CCDC148: variants seen among roughly 807,000 people sequenced by gnomAD.
CCDC148 encodes coiled-coil domain-containing protein 148.
In CCDC148, 89 loss-of-function variants were observed where a neutral mutation model predicts 85.7. The observed-to-expected ratio is 1.04, with a 90% CI of 0.87 to 1.24. The LOEUF is 1.24. Among genes scored for constraint, CCDC148 ranks in the 50% most tolerant of loss-of-function variants. CCDC148 has a pLI of 0.00. For missense variants in CCDC148, 692 were observed against 671.7 expected, an observed-to-expected ratio of 1.03 and a Z score of -0.33; for synonymous variants, 230 against 213.9, an observed-to-expected ratio of 1.08 and a Z score of -0.66.
chr2:158,195,279 C>T (rs12612640), intron 11 of CCDC148, among the ~76,000 whole-genome samples: 50,843 of 151,706 alleles, frequency 0.34, 9,313 homozygotes, highest in East Asian at 0.65. Flanking sequence ...TATTCATTGG[C>T]TTATATTATT....
chr2:158,381,486 G>T (rs913669347), intron 1 of CCDC148, among the ~76,000 whole-genome samples: 2 of 152,104 alleles, frequency 1.3e-5, no homozygotes, highest in Admixed American at 1.3e-4. Flanking sequence ...TAAGAAAGTG[G>T]AGCAACCAGA....
chr2:158,296,910 G>A (rs1477051696), intron 9 of CCDC148, among the ~76,000 whole-genome samples: 1 of 152,190 alleles, frequency 6.6e-6, no homozygotes, highest in Admixed American at 6.5e-5. Context: ...CTGCTGCTGT[G>A]ACCAAAAATC....
intron 7 of CCDC148, among the ~76,000 whole-genome samples, chr2:158,324,242 T>A (rs1692658205): frequency 6.6e-6 from 1 of 152,134 alleles, no homozygotes; most frequent in Non-Finnish European, 1.5e-5. Context: ...TATTGTTTAT[T>A]TGGGTGAATA....
intron 7 of CCDC148, among the ~76,000 whole-genome samples, chr2:158,328,314 T>G (rs1692896906): frequency 6.6e-6 from 1 of 152,188 alleles, no homozygotes; most frequent in African/African-American, 2.4e-5. Flanking sequence ...CTTTCCAGCT[T>G]CATACATGTC....
At chr2:158,313,248 A>G (rs1692120032) in intron 8 of CCDC148, among the ~76,000 whole-genome samples, 1 of 152,148 alleles carries the variant, frequency 6.6e-6, no homozygotes, top group African/African-American at 2.4e-5. Flanking sequence ...TATTTGGGGT[A>G]TTTGTGTTTC....
At chr2:158,293,179 T>G (rs189679512) in intron 9 of CCDC148, among the ~76,000 whole-genome samples, 4 of 152,052 alleles carry the variant, frequency 2.6e-5, no homozygotes, top group Admixed American at 2.6e-4. Flanking sequence ...TCAGATATAA[T>G]AAATGTAATA....
chr2:158,289,805 C>T (rs1338660190), intron 9 of CCDC148, among the ~76,000 whole-genome samples: 1 of 152,112 alleles, frequency 6.6e-6, no homozygotes, highest in East Asian at 1.9e-4. Flanking sequence ...GTAGAGATAA[C>T]CCAAATGTCT....
chr2:158,394,218 C>T (rs1685434314), intron 1 of CCDC148, among the ~76,000 whole-genome samples: 1 of 151,966 alleles, frequency 6.6e-6, no homozygotes, highest in African/African-American at 2.4e-5. Flanking sequence ...TTCTTCTACT[C>T]CTAGAAAATT....
chr2:158,286,859 G>T (rs553583799), intron 9 of CCDC148, among the ~76,000 whole-genome samples: 19 of 152,148 alleles, frequency 1.2e-4, no homozygotes, highest in Admixed American at 4.6e-4. Flanking sequence ...AGTATTAGAG[G>T]CAAAATAATA....
At chr2:158,283,123 T>G (rs927556483) in intron 9 of CCDC148, among the ~76,000 whole-genome samples, 2 of 152,104 alleles carry the variant, frequency 1.3e-5, no homozygotes, top group Non-Finnish European at 2.9e-5. Flanking sequence ...TATACAAAAA[T>G]CAATTCAAGA....
chr2:158,254,036 A>G (rs1374017685), intron 9 of CCDC148, among the ~76,000 whole-genome samples: 4 of 151,740 alleles, frequency 2.6e-5, no homozygotes, highest in African/African-American at 9.7e-5. Context: ...CAATCCACAA[A>G]ACTAAAATTT....
intron 1 of CCDC148, among the ~76,000 whole-genome samples, chr2:158,388,510 T>C (rs1685180400): frequency 6.6e-6 from 1 of 152,154 alleles, no homozygotes; most frequent in African/African-American, 2.4e-5. Flanking sequence ...TTTATTTATT[T>C]TGAGACGGAG....
chr2:158,294,607 T>G (rs2105191977), intron 9 of CCDC148, among the ~76,000 whole-genome samples: 1 of 152,180 alleles, frequency 6.6e-6, no homozygotes, highest in South Asian at 2.1e-4. Flanking sequence ...GCAGATCTCT[T>G]GAGGTCAGTA....
intron 1 of CCDC148, among the ~76,000 whole-genome samples, chr2:158,392,775 A>G (rs1685369369): frequency 6.6e-6 from 1 of 152,144 alleles, no homozygotes; most frequent in African/African-American, 2.4e-5. Flanking sequence ...ATAAATCTAT[A>G]TTTTAAATTA....
chr2:158,369,178 T>C (rs1684327481), intron 1 of CCDC148, among the ~76,000 whole-genome samples: 2 of 152,076 alleles, frequency 1.3e-5, no homozygotes, highest in African/African-American at 4.8e-5. Context: ...CCATATAAAG[T>C]TTAAAGTAGT....
intron 9 of CCDC148, among the ~76,000 whole-genome samples, chr2:158,262,995 A>G (rs184252896): frequency 2.0e-4 from 31 of 152,214 alleles, no homozygotes; most frequent in African/African-American, 7.2e-4. Flanking sequence ...CGTGATTTCA[A>G]TAGGAAACTT....
At chr2:158,448,922 A>G (rs761188484) in intron 1 of CCDC148, among the ~76,000 whole-genome samples, 14 of 151,624 alleles carry the variant, frequency 9.2e-5, no homozygotes, top group Admixed American at 4.6e-4. Context: ...CCGCCTCCCA[A>G]GTTCAAGCAA....
rs568917600 is a variant in CCDC148 at position 158,225,520 on chromosome 2, C to T, written c.1252-4807G>A. ...AATATACATTCTTCTCAGCACCACA[C>T]CACACTTATTTCAAAATTGACCACA... On this transcript the variant is annotated intron_variant, in intron 10 of 13. Coordinates refer to ENST00000283233, the MANE Select transcript of CCDC148 (RefSeq NM_138803.4). Among the ~76,000 whole-genome samples the T allele has an allele frequency of 7.2e-5, 11 of 152,264 alleles. No homozygotes were observed. In the East Asian group the frequency reaches 1.2e-3, roughly 16 times the overall value.
At chr2:158,408,435 A>T (rs1237662929) in intron 1 of CCDC148, among the ~76,000 whole-genome samples, 1 of 152,124 alleles carries the variant, frequency 6.6e-6, no homozygotes, top group Non-Finnish European at 1.5e-5. Context: ...TTCTAATTCT[A>T]TGAGTTTGAC....
Sources: allele counts gnomAD v4.1 joint callset (sites outside exome capture counted in the v4.1 genomes callset), GRCh38; gene constraint gnomAD v4.1.1; transcripts MANE v1.5; gene names NCBI Gene and HGNC (gene_info 2026-07-23, HGNC 2026-07-21).